The following SLC15A5 variants were observed in gnomAD, a reference collection of about 807,000 sequenced individuals.
SLC15A5 encodes the protein solute carrier family 15 member 5, also known as Peptide/histidine transporter ENSP00000340402.
SLC15A5 carries 58 observed loss-of-function variants against 56.1 expected under a neutral mutation model. The observed-to-expected ratio is 1.03, with a 90% CI of 0.84 to 1.29. SLC15A5 has a LOEUF of 1.29. Among genes scored for constraint, SLC15A5 ranks in the 50% most tolerant of loss-of-function variants. The probability of loss-of-function intolerance (pLI) is 0.00; values close to 1 mark genes in which losing one functional copy is unlikely to be tolerated. For missense variants in SLC15A5, 681 were observed against 672.1 expected (o/e 1.01, Z -0.15); for synonymous variants, 264 against 250.5 (o/e 1.05, Z -0.51).
chr12:16,192,843 C>T (rs1275263365), intron 8 of SLC15A5, among the ~76,000 whole-genome samples: 2 of 152,100 alleles, frequency 1.3e-5, no homozygotes, highest in Non-Finnish European at 2.9e-5. Flanking sequence ...AGAGCATTTA[C>T]TCATCCTCAC....
intron 8 of SLC15A5, 59 bp from the exon 9 acceptor site, chr12:16,189,874 A>C: frequency 7.8e-7 from 1 of 1,282,904 alleles, no homozygotes; most frequent in Non-Finnish European, 1.0e-6. Context: ...TTGATAAATC[A>C]TTTGCTTCCC....
At chr12:16,236,320 T>C (rs778755839) in intron 5 of SLC15A5, among the ~76,000 whole-genome samples, 8 of 152,226 alleles carry the variant, frequency 5.3e-5, no homozygotes, top group Admixed American at 1.3e-4. Flanking sequence ...TTGTAGTGAA[T>C]TAAGGTTGAC....
intron 6 of SLC15A5, among the ~76,000 whole-genome samples, chr12:16,222,321 A>AGCC (rs1261650678): frequency 6.6e-6 from 1 of 151,380 alleles, no homozygotes; most frequent in East Asian, 2.0e-4. Flanking sequence ...AAGACCATAG[A>AGCC]GCCTAACCTC....
intron 7 of SLC15A5, among the ~76,000 whole-genome samples, chr12:16,197,249 C>G (rs1422758859): frequency 6.6e-6 from 1 of 152,042 alleles, no homozygotes; most frequent in East Asian, 1.9e-4. Context: ...TATTTAGATT[C>G]ATTTAACATT....
At position 16,277,512 on chromosome 12, in the gene SLC15A5, A is replaced by G; in HGVS notation, c.174T>C (p.Phe58=). The G allele has an allele frequency of 6.5e-7, 1 of 1,536,540 alleles. No homozygotes were observed. The highest frequency in any genetic ancestry group is 8.7e-7 in the Non-Finnish European group (1 of 1,146,426). ...LVELCERFTF[F]EVVCNMIPFC... ...AGGGGATCATGTTGCAGACGACTTC[A>G]AAGAACGTGAACCTCTCACACAGCT... Residue 58 remains phenylalanine, a synonymous_variant, in exon 1 of 9, where the codon TTT becomes TTC. Coordinates refer to ENST00000344941, the MANE Select transcript of SLC15A5 (RefSeq NM_001170798.1).
chr12:16,203,813 A>G (rs997432062), intron 7 of SLC15A5, among the ~76,000 whole-genome samples: 4 of 152,176 alleles, frequency 2.6e-5, no homozygotes, highest in African/African-American at 7.2e-5. Flanking sequence ...AAAAGGGTCA[A>G]CTGAAATACT....
Position 16,197,201 on chromosome 12 carries a change from C to A in SLC15A5, c.1484-2748G>T, listed in dbSNP as rs889010985. Among the ~76,000 whole-genome samples, 12 of 152,104 alleles carry A rather than the reference C, an allele frequency of 7.9e-5. No homozygotes were observed. In the South Asian group the frequency reaches 1.5e-3, roughly 18 times the overall value. On this transcript the variant is annotated intron_variant, in intron 7 of 8. Coordinates refer to ENST00000344941, the MANE Select transcript of SLC15A5 (RefSeq NM_001170798.1). ...TCATTTTTAGCATGTGGCTTTCTTT[C>A]TAATGCTCATCTTCATTCTAGTCCC...
chr12:16,199,661 A>G (rs559592903), intron 7 of SLC15A5, among the ~76,000 whole-genome samples: 1 of 152,318 alleles, frequency 6.6e-6, no homozygotes, highest in East Asian at 1.9e-4. Context: ...AGATATACAA[A>G]TTACCTTGAT....
intron 2 of SLC15A5, among the ~76,000 whole-genome samples, chr12:16,261,559 G>C (rs1217395518): frequency 6.6e-6 from 1 of 152,200 alleles, no homozygotes; most frequent in Non-Finnish European, 1.5e-5. Flanking sequence ...CCTTTGAACA[G>C]ACATAGACAT....
Position 16,257,775 on chromosome 12 carries a change from G to A in SLC15A5, c.680C>T (p.Pro227Leu). ...SQAWALVLLI[P>L]FMSMLMAVIT... Reference sequence around the variant, plus strand: ...CACAGCCATAAGCATAGACATAAAAGGAATAAGTAAAACAAGGGCCCAGGC... The same window carrying A: ...CACAGCCATAAGCATAGACATAAAAAGAATAAGTAAAACAAGGGCCCAGGC... Residue 227 changes from proline (P) to leucine (L), a missense_variant, in exon 3 of 9, where the codon CCT (proline) becomes CTT (leucine). Pro to Leu is a moderately conservative substitution (Grantham distance 98). Coordinates refer to ENST00000344941, the MANE Select transcript of SLC15A5 (RefSeq NM_001170798.1). 6.5e-7 allele frequency: 1 copy of A among 1,532,076 alleles called. No individual in the cohort carries two copies. Among genetic ancestry groups the A allele is most frequent in the Non-Finnish European group, 8.7e-7 (1 of 1,145,032 alleles). The allele number at this position is 1,532,076 out of a possible 1,614,324, so 94.9% of individuals were successfully genotyped here.
At chr12:16,270,389 G>A (rs187007044) in intron 2 of SLC15A5, among the ~76,000 whole-genome samples, 11 of 152,188 alleles carry the variant, frequency 7.2e-5, no homozygotes, top group Middle Eastern at 3.4e-3. Flanking sequence ...GCTGAAATTC[G>A]TTATATTTAC....
At chr12:16,220,589 C>T (rs1254444273) in intron 6 of SLC15A5, among the ~76,000 whole-genome samples, 1 of 152,192 alleles carries the variant, frequency 6.6e-6, no homozygotes, top group Non-Finnish European at 1.5e-5. Flanking sequence ...GGAACACAGC[C>T]ACGCTCATTT....
Position 16,194,400 on chromosome 12 carries a change from A to G in SLC15A5, c.1537T>C (p.Phe513Leu), listed in dbSNP as rs1488354175. ...NKGNLESFFF[F>L]LASLTLLNVL... is the part of the protein sequence containing the mutation. ...TTCAACAATGTTAATGATGCCAGGA[A>G]GAAGAAGAAGCTTTCTAAATTGCCT... Residue 513 changes from phenylalanine (F) to leucine (L), a missense_variant, in exon 8 of 9, where the codon TTC becomes CTC. By Grantham distance (22) the Phe-to-Leu change is conservative. Transcript: ENST00000344941. The G allele has an allele frequency of 3.3e-6, 5 of 1,532,838 alleles. No individual in the cohort carries two copies. Among genetic ancestry groups the G allele is most frequent in the African/African-American group, 1.4e-5 (1 of 72,822 alleles). 95.0% of individuals were successfully genotyped at this position (1,532,838 alleles called of 1,614,324 possible).
At chr12:16,219,344 G>C (rs914372048) in intron 6 of SLC15A5, among the ~76,000 whole-genome samples, 7 of 152,182 alleles carry the variant, frequency 4.6e-5, no homozygotes, top group African/African-American at 1.7e-4. Context: ...GGGAATATGA[G>C]AGGAAGCCTG....
intron 2 of SLC15A5, among the ~76,000 whole-genome samples, chr12:16,268,605 C>T (rs11056851): frequency 0.11 from 17,222 of 152,106 alleles, 1,248 homozygotes; most frequent in East Asian, 0.23. Flanking sequence ...TTTTTTCTCT[C>T]TCTTTTCAGA....
In SLC15A5 at chr12:16,235,252, A is replaced by G. The variant is rs1295276873; in HGVS notation, c.1162+4429T>C. On this transcript the variant is annotated intron_variant, in intron 5 of 8. Coordinates refer to ENST00000344941, the MANE Select transcript of SLC15A5 (RefSeq NM_001170798.1). The surrounding 1 kb of genome is among the most constrained non-coding windows in gnomAD (Gnocchi z 4.1). ...AAAACACGACATGTTATAAGTATAT[A>G]TGTGTATATATATGTATATGTATAT... Among the ~76,000 whole-genome samples, 1 of 123,578 alleles carries G rather than the reference A, an allele frequency of 8.1e-6. No homozygotes were observed. Among genetic ancestry groups the G allele is most frequent in the African/African-American group, 3.0e-5 (1 of 33,656 alleles). 81.1% of individuals were successfully genotyped at this position (123,578 alleles called of 152,430 possible). A position where few individuals can be genotyped will look rare whatever the true frequency, so the allele number is the denominator to read the frequency against.
At chr12:16,216,277 C>T (rs1864129173) in intron 7 of SLC15A5, among the ~76,000 whole-genome samples, 1 of 152,154 alleles carries the variant, frequency 6.6e-6, no homozygotes, top group African/African-American at 2.4e-5. Context: ...TATTGTCATC[C>T]TGTCTGGCTG....
In SLC15A5 at chr12:16,189,633, C is replaced by T. The variant is rs1429672455; in HGVS notation, c.*35G>A. ...CAACTGAAGAAGAAAACAATGAATACTGTTCTCATAAGACAGGTAGACTCA... is the reference window on the plus strand; with the variant it reads ...CAACTGAAGAAGAAAACAATGAATATTGTTCTCATAAGACAGGTAGACTCA... On this transcript the variant is annotated 3_prime_UTR_variant, in exon 9 of 9. Coordinates refer to ENST00000344941, the MANE Select transcript of SLC15A5 (RefSeq NM_001170798.1). 7.1e-7 allele frequency: 1 copy of T among 1,412,850 alleles called. No individual in the cohort carries two copies. Among genetic ancestry groups the T allele is most frequent in the East Asian group, 2.6e-5 (1 of 39,190 alleles). 87.5% of individuals were successfully genotyped at this position (1,412,850 alleles called of 1,614,324 possible). A position where few individuals can be genotyped will look rare whatever the true frequency, so the allele number is the denominator to read the frequency against.
chr12:16,259,141 A>T (rs1267680576), intron 2 of SLC15A5, among the ~76,000 whole-genome samples: 1 of 145,452 alleles, frequency 6.9e-6, no homozygotes, highest in Non-Finnish European at 1.5e-5. Flanking sequence ...AAGGAATCCT[A>T]CTGCCTCAGC....
Sources: allele counts gnomAD v4.1 joint callset (sites outside exome capture counted in the v4.1 genomes callset), GRCh38; gene constraint gnomAD v4.1.1; non-coding constraint Gnocchi (gnomAD v3.1); transcripts MANE v1.5; gene names NCBI Gene and HGNC (gene_info 2026-07-23, HGNC 2026-07-21).